The following DHRSX variants were observed in gnomAD, a reference collection of about 807,000 sequenced individuals.
The protein encoded by DHRSX is dehydrogenase/reductase X-linked.
In DHRSX, 31 loss-of-function variants were observed where a neutral mutation model predicts 34.0. The observed-to-expected ratio is 0.91, with a 90% CI of 0.69 to 1.23. The LOEUF is 1.23. Among genes scored for constraint, DHRSX ranks in the 50% most tolerant of loss-of-function variants. The probability of loss-of-function intolerance (pLI) is 0.00; values close to 1 mark genes in which losing one functional copy is unlikely to be tolerated. For synonymous variants in DHRSX, 201 were observed against 183.8 expected (o/e 1.09, Z -0.76); for missense variants, 414 against 428.1 (o/e 0.97, Z 0.29).
At chrX:2,469,775 T>C (rs1192748672) in intron 1 of DHRSX, among the ~76,000 whole-genome samples, 1 of 152,078 alleles carries the variant, frequency 6.6e-6, no homozygotes, top group Non-Finnish European at 1.5e-5. Flanking sequence ...CTGAAAACGT[T>C]CCCTAAGAAT....
intron 3 of DHRSX, among the ~76,000 whole-genome samples, chrX:2,407,562 C>T (rs998053941): frequency 6.6e-6 from 1 of 152,192 alleles, no homozygotes; most frequent in Non-Finnish European, 1.5e-5. Flanking sequence ...GTTATCTAAC[C>T]TAAGCTTTCA....
At chrX:2,276,830 G>A (rs1218085100) in intron 4 of DHRSX, among the ~76,000 whole-genome samples, 1 of 137,780 alleles carries the variant, frequency 7.3e-6, no homozygotes, top group East Asian at 2.1e-4. Flanking sequence ...AGATGGAGAG[G>A]GAACAGGGAG....
Position 2,243,124 on chromosome X carries a change from C to T in DHRSX, c.703G>A (p.Ala235Thr), listed in dbSNP as rs184424531. 2.2e-5 allele frequency: 36 copies of T among 1,613,888 alleles called. No homozygotes were observed. In the African/African-American group the frequency reaches 2.9e-4, roughly 13 times the overall value. Residue 235 changes from alanine to threonine, a missense_variant, in exon 6 of 7, where the codon GCC becomes ACC. Ala to Thr is a moderately conservative substitution (Grantham distance 58). Coordinates refer to ENST00000334651, the MANE Select transcript of DHRSX (RefSeq NM_145177.3). Reference protein sequence around the residue: ...LLAAEGSHVTANVVDPGVVNT... With the variant: ...LLAAEGSHVTTNVVDPGVVNT... ...ACCACCCCGGGGTCCACCACGTTGG[C>T]GGTCACGTGGCTTCCCTCAGCCGCC...
At chrX:2,495,609 C>CA (rs2045262618) in intron 1 of DHRSX, among the ~76,000 whole-genome samples, 1 of 144,780 alleles carries the variant, frequency 6.9e-6, no homozygotes, top group African/African-American at 2.4e-5. Flanking sequence ...CCTGAACCCA[C>CA]GTAACAGCCA....
intron 3 of DHRSX, among the ~76,000 whole-genome samples, chrX:2,342,332 G>A (rs1183652959): frequency 1.3e-5 from 2 of 152,072 alleles, no homozygotes; most frequent in Non-Finnish European, 2.9e-5. Flanking sequence ...TTGAGACAGA[G>A]CACACACCCT....
chrX:2,363,023 T>C (rs1370032313), intron 3 of DHRSX, among the ~76,000 whole-genome samples: 1 of 124,928 alleles, frequency 8.0e-6, no homozygotes, highest in Non-Finnish European at 1.8e-5. Flanking sequence ...CGCCATTTTA[T>C]CACCGTTCTA....
intron 5 of DHRSX, among the ~76,000 whole-genome samples, chrX:2,265,894 G>C (rs1849669081): frequency 7.1e-6 from 1 of 140,150 alleles, no homozygotes; most frequent in African/African-American, 2.7e-5. Context: ...CGGACACAGG[G>C]AGCACTGTCC....
intron 1 of DHRSX, chrX:2,487,148 T>C (rs1411811506): frequency 6.6e-6 from 1 of 152,236 alleles, no homozygotes; most frequent in Non-Finnish European, 1.5e-5. Context: ...CCTGAATGAC[T>C]GAAAGCAACT....
intron 6 of DHRSX, among the ~76,000 whole-genome samples, chrX:2,235,601 G>A (rs1486183240): frequency 6.7e-6 from 1 of 149,048 alleles, no homozygotes; most frequent in Non-Finnish European, 1.5e-5. Flanking sequence ...AAATTAGCTG[G>A]GTGTGGTGAG....
chrX:2,222,460 T>C (rs35618655), intron 6 of DHRSX, among the ~76,000 whole-genome samples: 61,756 of 151,998 alleles, frequency 0.41, 13,647 homozygotes, highest in Middle Eastern at 0.53. Flanking sequence ...ATTTGTGAAA[T>C]TGCGAGAGTT....
chrX:2,295,245 TAA>T (rs199509443), intron 3 of DHRSX, among the ~76,000 whole-genome samples: 1 of 151,530 alleles, frequency 6.6e-6, no homozygotes, highest in Non-Finnish European at 1.5e-5. Flanking sequence ...TATGCAGCCA[TAA>T]AAAAAGGATG....
intron 3 of DHRSX, among the ~76,000 whole-genome samples, chrX:2,365,803 G>A (rs954054333): frequency 6.6e-6 from 1 of 152,054 alleles, no homozygotes; most frequent in Non-Finnish European, 1.5e-5. Flanking sequence ...GTCGGGAGGT[G>A]GGGGGCAAGG....
intron 3 of DHRSX, among the ~76,000 whole-genome samples, chrX:2,347,124 T>C (rs1427565952): frequency 6.6e-6 from 1 of 152,214 alleles, no homozygotes; most frequent in Non-Finnish European, 1.5e-5. Flanking sequence ...TAAAGACATA[T>C]CTGAGAATGG....
chrX:2,264,801 C>T (rs191163835), intron 5 of DHRSX, among the ~76,000 whole-genome samples: 1 of 117,470 alleles, frequency 8.5e-6, no homozygotes, highest in South Asian at 2.3e-4. Flanking sequence ...GAGCACCGTG[C>T]CCAGAGCACA....
chrX:2,229,825 G>A (rs918160948), intron 6 of DHRSX, among the ~76,000 whole-genome samples: 8 of 152,166 alleles, frequency 5.3e-5, no homozygotes, highest in Admixed American at 1.3e-4. Context: ...ATGTATGCAT[G>A]CATGTGAATG....
chrX:2,239,925 CTAAT>C (rs937994275), intron 6 of DHRSX, among the ~76,000 whole-genome samples: 3 of 152,154 alleles, frequency 2.0e-5, no homozygotes, highest in African/African-American at 7.2e-5. Flanking sequence ...AATAAAATAA[CTAAT>C]ATTTTGAAAT....
At chrX:2,298,222 A>C (rs995343730) in intron 3 of DHRSX, among the ~76,000 whole-genome samples, 4 of 151,704 alleles carry the variant, frequency 2.6e-5, no homozygotes, top group Non-Finnish European at 5.9e-5. Context: ...GAGCGTCTGG[A>C]TGGAGCTCAG....
At chrX:2,225,232 T>C (rs1048935688) in intron 6 of DHRSX, among the ~76,000 whole-genome samples, 3 of 149,376 alleles carry the variant, frequency 2.0e-5, no homozygotes, top group Non-Finnish European at 4.4e-5. Context: ...CACATTCACA[T>C]GCAGTCACAC....
In DHRSX at chrX:2,267,469, T is replaced by A. The variant is rs2041490425; in HGVS notation, c.389-522A>T. On this transcript the variant is annotated intron_variant, in intron 4 of 6. Coordinates refer to ENST00000334651, the MANE Select transcript of DHRSX (RefSeq NM_145177.3). The stretch of plus-strand genomic sequence containing the variant: ...CTGAGGCAGGAGAATTGCTTGAACC[T>A]GGGAGGCGGAGGTTGCAGTGAGCTG... Among the ~76,000 whole-genome samples the A allele has an allele frequency of 2.7e-5, 4 of 149,078 alleles. No homozygotes were observed. In the South Asian group the frequency reaches 8.4e-4, roughly 31 times the overall value.
Sources: gnomAD v4.1 joint callset for allele counts (sites outside exome capture counted in the v4.1 genomes callset) on GRCh38, gnomAD v4.1.1 for gene constraint, MANE v1.5 for transcripts, NCBI Gene and HGNC (gene_info 2026-07-23, HGNC 2026-07-21) for gene names.